CSMD1: variants seen among roughly 807,000 people sequenced by gnomAD.
CSMD1 encodes the protein CUB and sushi domain-containing protein 1.
Under a neutral mutation model 417.5 loss-of-function variants are expected in CSMD1, and 213 were observed. The observed-to-expected ratio is 0.51, with a 90% CI of 0.46 to 0.57. CSMD1 has a LOEUF of 0.57. CSMD1 is among the 20% of genes least tolerant of loss of function. CSMD1 has a pLI of 0.00. For synonymous variants in CSMD1, 2,862 were observed against 1,736.8 expected (o/e 1.65, Z -16.11); for missense variants, 6,923 against 4,529.7 (o/e 1.53, Z -15.17).
chr8:3,281,448 A>T (rs373816987), intron 26 of CSMD1, among the ~76,000 whole-genome samples: 4 of 152,242 alleles, frequency 2.6e-5, no homozygotes, highest in South Asian at 2.1e-4. Context: ...CATCTCAAGG[A>T]AAAAAACGGG....
At chr8:4,298,940 A>G (rs979754235) in intron 3 of CSMD1, among the ~76,000 whole-genome samples, 1 of 152,082 alleles carries the variant, frequency 6.6e-6, no homozygotes, top group Non-Finnish European at 1.5e-5. Flanking sequence ...ATAAACACAC[A>G]ATACATATAT....
Position 3,964,409 on chromosome 8 carries a change from C to T in CSMD1, c.818+33494G>A, listed in dbSNP as rs1221358531. The stretch of plus-strand genomic sequence containing the variant: ...TTCCAACGTATAATTTAGCATAGCT[C>T]CTGTTTTTTGACTGAGGCCTTAATC... On this transcript the variant is annotated intron_variant, in intron 5 of 69. Coordinates refer to ENST00000635120, the MANE Select transcript of CSMD1 (RefSeq NM_033225.6). 2.6e-5 allele frequency among the ~76,000 whole-genome samples: 4 copies of T among 152,216 alleles called. No individual in the cohort carries two copies. In the South Asian group the frequency reaches 8.3e-4, roughly 32 times the overall value.
chr8:3,556,707 T>C (rs756369134), intron 10 of CSMD1, among the ~76,000 whole-genome samples: 3 of 151,920 alleles, frequency 2.0e-5, no homozygotes, highest in Non-Finnish European at 4.4e-5. Flanking sequence ...AAATGAAAAG[T>C]ATGACTTAAC....
chr8:4,301,146 G>A (rs1306799771), intron 3 of CSMD1, among the ~76,000 whole-genome samples: 2 of 152,168 alleles, frequency 1.3e-5, no homozygotes, highest in African/African-American at 4.8e-5. Flanking sequence ...ATGAGCAGGA[G>A]CATTGTTGTG....
intron 54 of CSMD1, among the ~76,000 whole-genome samples, chr8:2,994,872 G>T (rs951290069): frequency 6.6e-6 from 1 of 151,994 alleles, no homozygotes; most frequent in African/African-American, 2.4e-5. Flanking sequence ...GTTAAAAAAA[G>T]AATAGTGAAA....
intron 1 of CSMD1, among the ~76,000 whole-genome samples, chr8:4,956,847 T>G (rs1809147734): frequency 1.3e-5 from 2 of 152,152 alleles, no homozygotes; most frequent in South Asian, 4.1e-4. Flanking sequence ...CCTGCAGAAG[T>G]CAGTGTGAAC....
chr8:4,845,555 G>A (rs1801092750), intron 1 of CSMD1, among the ~76,000 whole-genome samples: 1 of 152,178 alleles, frequency 6.6e-6, no homozygotes, highest in Non-Finnish European at 1.5e-5. Context: ...TGGCCTACGT[G>A]GTTTCTTAGA....
chr8:4,670,701 T>C (rs990461288), intron 1 of CSMD1, among the ~76,000 whole-genome samples: 1 of 152,166 alleles, frequency 6.6e-6, no homozygotes, highest in African/African-American at 2.4e-5. Flanking sequence ...AGGATTCACG[T>C]CTCTTAAGGC....
intron 3 of CSMD1, among the ~76,000 whole-genome samples, chr8:4,044,476 T>A (rs1467533294): frequency 6.6e-6 from 1 of 152,142 alleles, no homozygotes; most frequent in Non-Finnish European, 1.5e-5. Flanking sequence ...GAGGGTCACA[T>A]CTCAGGGGAC....
intron 37 of CSMD1, among the ~76,000 whole-genome samples, chr8:3,167,144 G>A (rs1820274884): frequency 6.6e-6 from 1 of 152,084 alleles, no homozygotes; most frequent in Non-Finnish European, 1.5e-5. Context: ...AATTAGCCAG[G>A]CGTGGTGGCA....
chr8:4,197,507 G>C (rs989551063), intron 3 of CSMD1, among the ~76,000 whole-genome samples: 2 of 152,186 alleles, frequency 1.3e-5, no homozygotes, highest in Non-Finnish European at 2.9e-5. Flanking sequence ...TCTCTGTCAA[G>C]TAAGACAGAG....
intron 3 of CSMD1, among the ~76,000 whole-genome samples, chr8:4,106,440 T>C (rs1196782035): frequency 1.3e-5 from 2 of 152,194 alleles, no homozygotes; most frequent in African/African-American, 2.4e-5. Flanking sequence ...CTATAGAATT[T>C]TACACACCAA....
intron 2 of CSMD1, among the ~76,000 whole-genome samples, chr8:4,477,393 G>C (rs1800861608): frequency 6.6e-6 from 1 of 152,232 alleles, no homozygotes; most frequent in Non-Finnish European, 1.5e-5. Context: ...GCCTCGATCA[G>C]TCTCGGGGAC....
intron 4 of CSMD1, among the ~76,000 whole-genome samples, chr8:4,008,901 C>T (rs1231352367): frequency 2.0e-5 from 3 of 152,094 alleles, no homozygotes; most frequent in South Asian, 2.1e-4. Context: ...TGAGCCACCG[C>T]GCCCAGTCTG....
rs371499080 is a variant in CSMD1, at chr8:3,772,201, C to T, written c.819-18159G>A. Reference sequence around the variant, plus strand: ...ATATATATATATATACACACACACACACACACACACACACATATAATACAC... The same window carrying T: ...ATATATATATATATACACACACACATACACACACACACACATATAATACAC... On this transcript the variant is annotated intron_variant, in intron 5 of 69. Coordinates refer to ENST00000635120, the MANE Select transcript of CSMD1 (RefSeq NM_033225.6). Among the ~76,000 whole-genome samples the T allele has an allele frequency of 2.8e-3, 355 of 126,458 alleles. 12 individuals carry two copies. Among genetic ancestry groups the T allele is most frequent in the Middle Eastern group, 9.5e-3 (2 of 210 alleles). 83.0% of individuals were successfully genotyped at this position (126,458 alleles called of 152,430 possible). A position where few individuals can be genotyped will look rare whatever the true frequency, so the allele number is the denominator to read the frequency against.
intron 12 of CSMD1, among the ~76,000 whole-genome samples, chr8:3,416,839 G>A (rs1813184897): frequency 6.6e-6 from 1 of 152,210 alleles, no homozygotes; most frequent in Non-Finnish European, 1.5e-5. Flanking sequence ...ATGAATGACA[G>A]CTTTATCAGG....
intron 5 of CSMD1, among the ~76,000 whole-genome samples, chr8:3,784,046 T>C (rs1413319630): frequency 1.3e-5 from 2 of 152,236 alleles, no homozygotes; most frequent in Non-Finnish European, 2.9e-5. Flanking sequence ...GACAGCACTG[T>C]TGTGAAGATT....
chr8:2,965,240 C>A (rs578129249), intron 59 of CSMD1, among the ~76,000 whole-genome samples: 122 of 152,210 alleles, frequency 8.0e-4, no homozygotes, highest in African/African-American at 2.8e-3. Context: ...CTTGATTTGC[C>A]CAGAGGGTCC....
intron 3 of CSMD1, among the ~76,000 whole-genome samples, chr8:4,407,731 C>T (rs981167618): frequency 1.3e-5 from 2 of 152,106 alleles, no homozygotes; most frequent in African/African-American, 4.8e-5. Context: ...TTCCATGATT[C>T]ATGCATGTAA....
Sources: allele counts gnomAD v4.1 joint callset (sites outside exome capture counted in the v4.1 genomes callset), GRCh38; gene constraint gnomAD v4.1.1; transcripts MANE v1.5; gene names NCBI Gene and HGNC (gene_info 2026-07-23, HGNC 2026-07-21).